Variants in MID2 observed in about 807,000 individuals in gnomAD.
MID2 encodes midline 2, also known as probable E3 ubiquitin-protein ligase MID2.
Under a neutral mutation model 46.1 loss-of-function variants are expected in MID2, and 13 were observed. The ratio of observed to expected loss-of-function variants is 0.28; its 90% CI spans 0.18 to 0.45. The LOEUF is 0.45. Among genes scored for constraint, MID2 ranks in the 20% least tolerant of loss-of-function variants. MID2 has a pLI of 1.00. For synonymous variants in MID2, 199 were observed against 212.3 expected (o/e 0.94, Z 0.55); for missense variants, 431 against 575.4 (o/e 0.75, Z 2.57).
chrX:107,830,700 G>C (rs191764262), intron 1 of MID2, among the ~76,000 whole-genome samples: 1 of 112,363 alleles, frequency 8.9e-6, no homozygotes, highest in Admixed American at 9.4e-5. Flanking sequence ...GACTAGAAAA[G>C]TGTTTCTCAA....
chrX:107,876,110 G>A (rs911076451), intron 3 of MID2, among the ~76,000 whole-genome samples: 7 of 111,216 alleles, frequency 6.3e-5, no homozygotes, highest in African/African-American at 2.3e-4. Context: ...AAATGTCCTG[G>A]CATACTATAT....
intron 1 of MID2, among the ~76,000 whole-genome samples, chrX:107,831,501 T>G (rs1230600368): frequency 9.0e-6 from 1 of 111,581 alleles, no homozygotes; most frequent in Non-Finnish European, 1.9e-5. Flanking sequence ...GATAGAAAAA[T>G]GGTTTACGAT....
chrX:107,892,839 T>A (rs1309931470), intron 3 of MID2, among the ~76,000 whole-genome samples: 1 of 112,350 alleles, frequency 8.9e-6, no homozygotes, highest in Admixed American at 9.4e-5. Flanking sequence ...AATCCCCATC[T>A]TATAAGCACC....
At chrX:107,826,806 A>T (rs1479992456) in intron 1 of MID2, among the ~76,000 whole-genome samples, 1 of 113,325 alleles carries the variant, frequency 8.8e-6, no homozygotes, top group Non-Finnish European at 1.9e-5. Flanking sequence ...CCGCCTTCCC[A>T]CGCTCCCGCA....
chrX:107,876,969 A>G (rs887227072), intron 3 of MID2, among the ~76,000 whole-genome samples: 2 of 111,091 alleles, frequency 1.8e-5, no homozygotes, highest in African/African-American at 6.6e-5. Flanking sequence ...GGCAAGTGAG[A>G]GAGAGAAGCT....
chrX:107,894,957 C>A (rs924519118), intron 3 of MID2: 2 of 109,208 alleles, frequency 1.8e-5, no homozygotes, highest in African/African-American at 6.7e-5. Flanking sequence ...GTTGACCAGG[C>A]CTGCCTAAAA....
chrX:107,840,297 A>C (rs1410687145), intron 1 of MID2, among the ~76,000 whole-genome samples: 1 of 111,931 alleles, frequency 8.9e-6, no homozygotes, highest in Non-Finnish European at 1.9e-5. Context: ...AATATTGGAG[A>C]ATAGAGATTG....
intron 3 of MID2, among the ~76,000 whole-genome samples, chrX:107,875,751 C>T (rs776258570): frequency 1.4e-4 from 16 of 111,798 alleles, no homozygotes; most frequent in Non-Finnish European, 1.9e-5. Context: ...GGAAAAAATA[C>T]CGGATTAAGA....
At chrX:107,912,408 A>G (rs1434946128) in intron 5 of MID2, among the ~76,000 whole-genome samples, 2 of 112,087 alleles carry the variant, frequency 1.8e-5, no homozygotes, top group Non-Finnish European at 3.8e-5. Flanking sequence ...AGGTCATCAA[A>G]TGAATACCTT....
intron 1 of MID2, among the ~76,000 whole-genome samples, chrX:107,828,213 C>T (rs1310407265): frequency 1.8e-5 from 2 of 111,396 alleles, no homozygotes; most frequent in South Asian, 3.8e-4. Context: ...CTTCCTGAGT[C>T]CTCCCTAGAA....
Position 107,927,008 on chromosome X carries a change from C to T in MID2, c.2143C>T (p.Arg715Trp), listed in dbSNP as rs144270984. ...CCCAGATTTTATTGATTACCCTGAG[C>T]GGCAGGAATGCAACTGCAGGCCTCA... ...PAPDFIDYPE[R>W]QECNCRPQES... The change falls in exon 10 of 10, where the codon CGG becomes TGG. Residue 715 changes from arginine (R) to tryptophan (W), a missense_variant. Arg to Trp is a moderately radical substitution (Grantham distance 101, BLOSUM62 -3). Coordinates refer to ENST00000262843, the MANE Select transcript of MID2 (RefSeq NM_012216.4). The T allele has an allele frequency of 2.2e-5, 26 of 1,208,598 alleles. No homozygotes were observed. The highest frequency in any genetic ancestry group is 8.8e-5 in the Admixed American group (4 of 45,642).
At chrX:107,859,611 G>A (rs1337915038) in intron 3 of MID2, among the ~76,000 whole-genome samples, 1 of 112,532 alleles carries the variant, frequency 8.9e-6, no homozygotes, top group Admixed American at 9.4e-5. Flanking sequence ...AGAATGTGAA[G>A]TGATAATTAC....
intron 7 of MID2, among the ~76,000 whole-genome samples, chrX:107,920,214 G>A (rs1933044776): frequency 8.9e-6 from 1 of 112,229 alleles, no homozygotes; most frequent in African/African-American, 3.2e-5. Flanking sequence ...TTCCTTTGAC[G>A]TTTTTTCACA....
intron 3 of MID2, among the ~76,000 whole-genome samples, chrX:107,871,761 G>A (rs745474496): frequency 5.4e-5 from 6 of 111,095 alleles, no homozygotes; most frequent in African/African-American, 1.3e-4. Context: ...CCGTAAAGCC[G>A]TCCCTCTGAA....
intron 3 of MID2, among the ~76,000 whole-genome samples, chrX:107,900,538 G>A (rs1177036293): frequency 1.8e-5 from 2 of 111,078 alleles, no homozygotes; most frequent in East Asian, 5.6e-4. Flanking sequence ...CATCAAATCA[G>A]TCCCTGTTCA....
intron 3 of MID2, among the ~76,000 whole-genome samples, chrX:107,875,542 A>G (rs766241327): frequency 7.2e-5 from 8 of 111,128 alleles, no homozygotes; most frequent in South Asian, 3.9e-4. Context: ...GGATTGGCCA[A>G]TTTTCCCTTG....
chrX:107,929,731 C>T lies in MID2; in HGVS notation c.*2658C>T, dbSNP rs906074512. Among the ~76,000 whole-genome samples, 5 of 111,212 alleles carry T rather than the reference C, an allele frequency of 4.5e-5. No individual in the cohort carries two copies. Among genetic ancestry groups the T allele is most frequent in the African/African-American group, 1.6e-4 (5 of 30,571 alleles). ...TCTAATTTCCCCACCCTACTTTTGA[C>T]TCTATCCTGGACTACCTTTCCTCAC... is the stretch of plus-strand genomic sequence containing the variant. On this transcript the variant is annotated 3_prime_UTR_variant, in exon 10 of 10. Transcript: ENST00000262843.
At chrX:107,897,446 C>G (rs762636982) in intron 3 of MID2, among the ~76,000 whole-genome samples, 1 of 111,963 alleles carries the variant, frequency 8.9e-6, no homozygotes, top group South Asian at 3.7e-4. Context: ...CTTTAAGTGA[C>G]CACCCTCCCT....
At chrX:107,840,544 T>C in intron 1 of MID2, 126 bp from the exon 2 acceptor site, 1 of 541,798 alleles carries the variant, frequency 1.8e-6, no homozygotes, top group East Asian at 3.4e-5. Flanking sequence ...CCCAAATTGC[T>C]TTTCTATTGC....
Sources: gnomAD v4.1 joint callset for allele counts (sites outside exome capture counted in the v4.1 genomes callset) on GRCh38, gnomAD v4.1.1 for gene constraint, MANE v1.5 for transcripts, NCBI Gene and HGNC (gene_info 2026-07-23, HGNC 2026-07-21) for gene names.